PCMT1: variants seen among roughly 807,000 people sequenced by gnomAD.
PCMT1 encodes protein-L-isoaspartate(D-aspartate) O-methyltransferase.
A neutral mutation model predicts 29.2 loss-of-function variants in PCMT1; 9 were observed. That is an observed-to-expected ratio of 0.31 (90% CI 0.19 to 0.54). PCMT1 has a LOEUF of 0.54. Ranked by LOEUF, PCMT1 falls within the 20% of genes least tolerant of loss-of-function variation. PCMT1 has a pLI of 0.95. For missense variants in PCMT1, 184 were observed against 282.2 expected, an observed-to-expected ratio of 0.65 and a Z score of 2.49; for synonymous variants, 98 against 97.5, an observed-to-expected ratio of 1.00 and a Z score of -0.03.
intron 1 of PCMT1, among the ~76,000 whole-genome samples, chr6:149,763,936 T>G (rs1413231382): frequency 6.6e-6 from 1 of 152,182 alleles, no homozygotes; most frequent in Non-Finnish European, 1.5e-5. Context: ...GGGAGATTCA[T>G]CTTAATACAG....
chr6:149,763,934 C>A (rs1786964789), intron 1 of PCMT1, among the ~76,000 whole-genome samples: 1 of 152,090 alleles, frequency 6.6e-6, no homozygotes, highest in Admixed American at 6.6e-5. Flanking sequence ...AAGGGAGATT[C>A]ATCTTAATAC....
At chr6:149,766,270 C>A (rs1787081271) in intron 1 of PCMT1, among the ~76,000 whole-genome samples, 1 of 152,156 alleles carries the variant, frequency 6.6e-6, no homozygotes, top group Non-Finnish European at 1.5e-5. Flanking sequence ...CTAGAAGATT[C>A]CTCAGAAAGG....
chr6:149,755,794 G>A (rs1012026830), intron 1 of PCMT1, among the ~76,000 whole-genome samples: 7 of 152,152 alleles, frequency 4.6e-5, no homozygotes, highest in Admixed American at 3.3e-4. Context: ...CTTCTAATGG[G>A]AGCAGCCAAG....
At chr6:149,799,356 G>A (rs760356797) in intron 6 of PCMT1, among the ~76,000 whole-genome samples, 2 of 152,046 alleles carry the variant, frequency 1.3e-5, no homozygotes, top group Non-Finnish European at 2.9e-5. Flanking sequence ...CAGATCTCCT[G>A]TTAAGGACTG....
At chr6:149,798,008 A>T (rs926079606) in intron 6 of PCMT1, 1 of 152,180 alleles carries the variant, frequency 6.6e-6, no homozygotes, top group Non-Finnish European at 1.5e-5. Flanking sequence ...TCTACAAAAA[A>T]TACAAAAAAT....
At chr6:149,792,670 A>G (rs1788420311) in intron 4 of PCMT1, among the ~76,000 whole-genome samples, 1 of 151,882 alleles carries the variant, frequency 6.6e-6, no homozygotes, top group Admixed American at 6.6e-5. Flanking sequence ...GGCACATGCT[A>G]CCACACCTGG....
At chr6:149,800,045 G>A (rs528983708) in intron 6 of PCMT1, among the ~76,000 whole-genome samples, 2 of 152,166 alleles carry the variant, frequency 1.3e-5, no homozygotes, top group Admixed American at 6.6e-5. Flanking sequence ...GAGCAAGGGT[G>A]GGGTAGGGAG....
intron 6 of PCMT1, chr6:149,798,975 A>C (rs1163182690): frequency 6.6e-6 from 1 of 152,222 alleles, no homozygotes; most frequent in Non-Finnish European, 1.5e-5. Flanking sequence ...AAAAAAGAAC[A>C]ACCATATCAT....
chr6:149,766,408 G>T (rs994963441), intron 1 of PCMT1, among the ~76,000 whole-genome samples: 2 of 152,262 alleles, frequency 1.3e-5, no homozygotes, highest in Non-Finnish European at 2.9e-5. Flanking sequence ...AAAAAAATCA[G>T]CTTTATTGAG....
intron 7 of PCMT1, among the ~76,000 whole-genome samples, chr6:149,808,533 CAGAG>C (rs943012729): frequency 5.9e-5 from 9 of 151,958 alleles, no homozygotes; most frequent in Non-Finnish European, 1.2e-4. Flanking sequence ...ATTTTTTAGA[CAGAG>C]AGGATAGTTG....
intron 4 of PCMT1, among the ~76,000 whole-genome samples, chr6:149,791,681 G>T (rs983864284): frequency 5.9e-5 from 9 of 152,066 alleles, no homozygotes; most frequent in Non-Finnish European, 1.3e-4. Flanking sequence ...CACATAATAA[G>T]GACTCATATT....
chr6:149,773,298 A>G, intron 3 of PCMT1, 129 bp downstream of exon 3: 2 of 705,740 alleles, frequency 2.8e-6, no homozygotes, highest in Non-Finnish European at 4.9e-6. Context: ...TTGGTAATGA[A>G]CATCATTTTC....
chr6:149,774,404 TTA>T (rs1226346921), intron 3 of PCMT1, among the ~76,000 whole-genome samples: 1 of 150,866 alleles, frequency 6.6e-6, no homozygotes, highest in Admixed American at 6.6e-5. Context: ...CACACTCAGC[TTA>T]TGTTTTGTAT....
At chr6:149,785,606 ACT>A (rs4038684) in intron 3 of PCMT1, among the ~76,000 whole-genome samples, 3,805 of 112,196 alleles carry the variant, frequency 0.034, no homozygotes, top group East Asian at 0.13. Flanking sequence ...AGTGGTGATG[ACT>A]CTTAACGAGC....
At chr6:149,757,354 C>A (rs1421510871) in intron 1 of PCMT1, among the ~76,000 whole-genome samples, 3 of 151,938 alleles carry the variant, frequency 2.0e-5, no homozygotes, top group African/African-American at 4.8e-5. Flanking sequence ...TTAATGAGAT[C>A]TTAGGCTGTA....
At chr6:149,800,896 G>A (rs1232696315) in intron 6 of PCMT1, among the ~76,000 whole-genome samples, 2 of 152,274 alleles carry the variant, frequency 1.3e-5, no homozygotes, top group East Asian at 1.9e-4. Flanking sequence ...CCTTTGGCCC[G>A]CCAAGAGGAT....
At chr6:149,786,015 G>C (rs1271297103) in intron 3 of PCMT1, among the ~76,000 whole-genome samples, 9 of 148,890 alleles carry the variant, frequency 6.0e-5, no homozygotes, top group African/African-American at 2.0e-4. Flanking sequence ...CTCCCGGACG[G>C]GGCGGCTGGC....
intron 1 of PCMT1, among the ~76,000 whole-genome samples, chr6:149,770,420 C>G (rs1583019737): frequency 6.6e-6 from 1 of 151,986 alleles, no homozygotes; most frequent in East Asian, 1.9e-4. Context: ...TTACTAAAGA[C>G]CAGGTTGGGC....
intron 6 of PCMT1, among the ~76,000 whole-genome samples, chr6:149,801,708 A>C (rs1207361778): frequency 6.6e-6 from 1 of 152,090 alleles, no homozygotes; most frequent in Non-Finnish European, 1.5e-5. Flanking sequence ...TTGGCCTCCC[A>C]AAGTGCTGGG....
Sources: gnomAD v4.1 joint callset for allele counts (sites outside exome capture counted in the v4.1 genomes callset) on GRCh38, gnomAD v4.1.1 for gene constraint, MANE v1.5 for transcripts, NCBI Gene and HGNC (gene_info 2026-07-23, HGNC 2026-07-21) for gene names.